AMMECR1: variants seen among roughly 807,000 people sequenced by gnomAD.
AMMECR1 encodes AMMECR nuclear protein 1.
Under a neutral mutation model 22.5 loss-of-function variants are expected in AMMECR1, and 3 were observed. The ratio of observed to expected loss-of-function variants is 0.13; its 90% CI spans 0.06 to 0.35. The LOEUF (loss-of-function observed/expected upper bound fraction) is 0.35, where lower values mean the gene tolerates loss of function less well. Ranked by LOEUF, AMMECR1 falls within the 10% of genes least tolerant of loss-of-function variation. The probability of loss-of-function intolerance (pLI) is 1.00; values close to 1 mark genes in which losing one functional copy is unlikely to be tolerated. For missense variants in AMMECR1, 235 were observed against 278.7 expected (o/e 0.84, Z 1.12); for synonymous variants, 130 against 116.7 (o/e 1.11, Z -0.74).
At chrX:110,231,666 T>A (rs770488203) in intron 2 of AMMECR1, among the ~76,000 whole-genome samples, 16 of 111,453 alleles carry the variant, frequency 1.4e-4, no homozygotes, top group African/African-American at 5.2e-4. Flanking sequence ...CACATAACAA[T>A]ATTAACCTTA....
At chrX:110,304,249 A>C (rs769820906) in intron 1 of AMMECR1, among the ~76,000 whole-genome samples, 1 of 112,227 alleles carries the variant, frequency 8.9e-6, no homozygotes, top group African/African-American at 3.2e-5. Context: ...TTAATTTCAT[A>C]AAGAAGACTG....
At chrX:110,297,885 T>C (rs1156317867) in intron 1 of AMMECR1, among the ~76,000 whole-genome samples, 1 of 111,617 alleles carries the variant, frequency 9.0e-6, no homozygotes, top group Non-Finnish European at 1.9e-5. Flanking sequence ...GTAAAGTTCA[T>C]AAACATCTAT....
chrX:110,196,891 T>C lies in AMMECR1; in HGVS notation c.*1629A>G, dbSNP rs1195208740. 1.8e-5 allele frequency: 2 copies of C among 112,441 alleles called. No individual in the cohort carries two copies. The highest frequency in any genetic ancestry group is 3.8e-5 in the Non-Finnish European group (2 of 53,229). 9.3% of individuals were successfully genotyped at this position (112,441 alleles called of 1,213,427 possible). On this transcript the variant is annotated 3_prime_UTR_variant, in exon 6 of 6. Coordinates refer to ENST00000262844, the MANE Select transcript of AMMECR1 (RefSeq NM_015365.3). ...AACTATATGTATAAGCTGTATCATT[T>C]TGATATTCAGTGACTTTTTTGTAGT...
At chrX:110,207,057 G>C (rs939634534) in intron 3 of AMMECR1, among the ~76,000 whole-genome samples, 7 of 111,781 alleles carry the variant, frequency 6.3e-5, no homozygotes, top group Non-Finnish European at 9.4e-5. Flanking sequence ...AAAGGACACT[G>C]TTCCTAATGA....
intron 3 of AMMECR1, among the ~76,000 whole-genome samples, chrX:110,211,372 T>C (rs2067447057): frequency 8.9e-6 from 1 of 112,065 alleles, no homozygotes; most frequent in Admixed American, 9.4e-5. Context: ...GTGACACACA[T>C]AGAATCACCC....
rs1197170024 is a variant in AMMECR1 at position 110,286,387 on chromosome X, G to A, written c.474-21788C>T. On this transcript the variant is annotated intron_variant, in intron 1 of 5. Coordinates refer to ENST00000262844, the MANE Select transcript of AMMECR1 (RefSeq NM_015365.3). ...CATGACCATTAAAAAATTAGAGCAT[G>A]GGCCGGGCGTAATGGCTCACTCCTG... 6.3e-5 allele frequency among the ~76,000 whole-genome samples: 7 copies of A among 110,989 alleles called. No homozygotes were observed. In the East Asian group the frequency reaches 8.5e-4, roughly 13 times the overall value.
At chrX:110,239,833 C>A (rs1224603275) in intron 2 of AMMECR1, among the ~76,000 whole-genome samples, 3 of 111,787 alleles carry the variant, frequency 2.7e-5, no homozygotes, top group African/African-American at 9.8e-5. Flanking sequence ...AAGGGAAGCC[C>A]ATCAGACTAA....
At chrX:110,218,150 T>C (rs924131943) in intron 2 of AMMECR1, among the ~76,000 whole-genome samples, 1 of 111,073 alleles carries the variant, frequency 9.0e-6, no homozygotes, top group Admixed American at 9.7e-5. Flanking sequence ...AAGTTCTCAT[T>C]CAAAGCCAAG....
chrX:110,362,762 C>G (rs1471423315), intron 2 of AMMECR1, among the ~76,000 whole-genome samples: 2 of 111,982 alleles, frequency 1.8e-5, no homozygotes, highest in Non-Finnish European at 3.8e-5. Flanking sequence ...TATATGACTT[C>G]CTATTGAAAA....
upstream of AMMECR1, among the ~76,000 whole-genome samples, chrX:110,319,480 A>G (rs1307162052): frequency 8.9e-6 from 1 of 112,215 alleles, no homozygotes; most frequent in Non-Finnish European, 1.9e-5. Flanking sequence ...GCACAACACT[A>G]TACTTCTGTT....
At chrX:110,437,487 G>C (rs1350926052) in intron 1 of AMMECR1, among the ~76,000 whole-genome samples, 2 of 111,975 alleles carry the variant, frequency 1.8e-5, no homozygotes, top group Non-Finnish European at 3.8e-5. Flanking sequence ...CTAGTAAGTA[G>C]CAGAGCCAGA....
chrX:110,428,799 G>C (rs748013633), intron 1 of AMMECR1, among the ~76,000 whole-genome samples: 8 of 112,046 alleles, frequency 7.1e-5, no homozygotes, highest in East Asian at 2.8e-4. Context: ...ATCATCTGAG[G>C]GTCCTGGTGC....
chrX:110,270,896 T>G (rs2067795134), intron 1 of AMMECR1, among the ~76,000 whole-genome samples: 1 of 111,974 alleles, frequency 8.9e-6, no homozygotes, highest in South Asian at 3.7e-4. Context: ...TTTCCATTTA[T>G]TATACCATTG....
At chrX:110,382,918 C>T (rs1201004682) in intron 2 of AMMECR1, among the ~76,000 whole-genome samples, 1 of 112,002 alleles carries the variant, frequency 8.9e-6, no homozygotes, top group Non-Finnish European at 1.9e-5. Flanking sequence ...TACTCTCTTG[C>T]TTATAAACCT....
intron 2 of AMMECR1, among the ~76,000 whole-genome samples, chrX:110,341,921 T>G (rs915670594): frequency 1.8e-5 from 2 of 110,302 alleles, no homozygotes; most frequent in African/African-American, 6.6e-5. Context: ...AAATTAGGCA[T>G]AGTGGCACAG....
intron 2 of AMMECR1, among the ~76,000 whole-genome samples, chrX:110,400,085 G>A (rs2068553890): frequency 9.1e-6 from 1 of 110,091 alleles, no homozygotes; most frequent in Admixed American, 9.8e-5. Flanking sequence ...CTGAGATGCT[G>A]TAATCTTCCT....
intron 2 of AMMECR1, among the ~76,000 whole-genome samples, chrX:110,377,336 C>T (rs1227946025): frequency 9.0e-6 from 1 of 111,595 alleles, no homozygotes; most frequent in African/African-American, 3.3e-5. Context: ...TTTAAAATTC[C>T]GTGAAATGGC....
intron 2 of AMMECR1, among the ~76,000 whole-genome samples, chrX:110,406,677 TC>T (rs1367251453): frequency 8.9e-5 from 10 of 112,040 alleles, no homozygotes; most frequent in African/African-American, 2.9e-4. Context: ...TTGAAGAATC[TC>T]CAGTGTCTTC....
chrX:110,302,647 T>C (rs2067973227), intron 1 of AMMECR1, among the ~76,000 whole-genome samples: 1 of 110,704 alleles, frequency 9.0e-6, no homozygotes, highest in Non-Finnish European at 1.9e-5. Flanking sequence ...CCGAAGTGGG[T>C]GGATCACCTG....
Sources: allele counts gnomAD v4.1 joint callset (sites outside exome capture counted in the v4.1 genomes callset), GRCh38; gene constraint gnomAD v4.1.1; transcripts MANE v1.5; gene names NCBI Gene and HGNC (gene_info 2026-07-23, HGNC 2026-07-21).